Variants in CELF2 observed in about 807,000 individuals in gnomAD.
The protein encoded by CELF2 is CUG triplet repeat RNA-binding protein 2.
Under a neutral mutation model 62.6 loss-of-function variants are expected in CELF2, and 8 were observed. The observed-to-expected ratio is 0.13, with a 90% CI of 0.07 to 0.23. The LOEUF is 0.23. Among genes scored for constraint, CELF2 ranks in the 10% least tolerant of loss-of-function variants. CELF2 has a pLI of 1.00. For synonymous variants in CELF2, 258 were observed against 250.0 expected (o/e 1.03, Z -0.30); for missense variants, 333 against 671.0 (o/e 0.50, Z 5.56).
At chr10:10,986,906 G>C (rs2052824549) in intron 2 of CELF2, among the ~76,000 whole-genome samples, 2 of 152,216 alleles carry the variant, frequency 1.3e-5, no homozygotes, top group South Asian at 4.1e-4. Flanking sequence ...CAGCCCTGAG[G>C]ACTTTCAGTG....
chr10:11,126,969 G>A (rs1214733141), intron 1 of CELF2, among the ~76,000 whole-genome samples: 2 of 151,436 alleles, frequency 1.3e-5, no homozygotes, highest in Non-Finnish European at 2.9e-5. Context: ...CATAGGTATA[G>A]ATGTGCCATG....
rs929131632 is a variant in CELF2 at position 11,237,697 on chromosome 10, C to T, written c.355-11456C>T. ...TTGTTCATCCCAGTTCCCAAGATGT[C>T]GAGAACTGAGTCACAGTGAGCCCCA... On this transcript the variant is annotated intron_variant, in intron 3 of 12. Coordinates refer to ENST00000633077, the MANE Select transcript of CELF2 (RefSeq NM_001326342.2). This position sits in a 1 kb window ranked among gnomAD's most constrained non-coding sequence, Gnocchi z 4.0. Among the ~76,000 whole-genome samples, 6 of 152,140 alleles carry T rather than the reference C, an allele frequency of 3.9e-5. No individual in the cohort carries two copies. The highest frequency in any genetic ancestry group is 5.9e-5 in the Non-Finnish European group (4 of 68,022).
At chr10:10,482,929 T>C in the CELF2 span, among the ~76,000 whole-genome samples, 2 of 152,296 alleles carry the variant, frequency 1.3e-5, no homozygotes, top group South Asian at 4.2e-4. Flanking sequence ...TAGCCAGTTT[T>C]AAACCTGCTC....
Position 11,207,749 on chromosome 10 carries a change from G to A in CELF2, c.272-9676G>A, listed in dbSNP as rs750628630. ...TAGGCAGTGGCCAGATGGTGATACC[G>A]CTGACATCAGGGTGCCAATTATATC... On this transcript the variant is annotated intron_variant, in intron 2 of 12. Coordinates refer to ENST00000633077, the MANE Select transcript of CELF2 (RefSeq NM_001326342.2). The surrounding 1 kb of genome is among the most constrained non-coding windows in gnomAD (Gnocchi z 4.1). Among the ~76,000 whole-genome samples, 5 of 152,216 alleles carry A rather than the reference G, an allele frequency of 3.3e-5. No homozygotes were observed. The highest frequency in any genetic ancestry group is 6.5e-5 in the Admixed American group (1 of 15,286).
chr10:11,292,796 A>G (rs1033445938), intron 9 of CELF2, among the ~76,000 whole-genome samples: 1 of 152,130 alleles, frequency 6.6e-6, no homozygotes, highest in Non-Finnish European at 1.5e-5. Flanking sequence ...GATTGTCCCA[A>G]TGGCTGGTGT....
At chr10:10,535,469 C>T in the CELF2 span, among the ~76,000 whole-genome samples, 1 of 152,146 alleles carries the variant, frequency 6.6e-6, no homozygotes, top group East Asian at 1.9e-4. Flanking sequence ...CCTGTAATCC[C>T]AGCACTTTGG....
the CELF2 span, among the ~76,000 whole-genome samples, chr10:10,709,766 A>G: frequency 6.6e-6 from 1 of 152,342 alleles, no homozygotes; most frequent in East Asian, 1.9e-4. Flanking sequence ...TAAGAAATGA[A>G]TAATGGCAAT....
chr10:11,239,707 C>CTTTT (rs111326473), intron 3 of CELF2, among the ~76,000 whole-genome samples: 1 of 149,284 alleles, frequency 6.7e-6, no homozygotes, highest in Non-Finnish European at 1.5e-5. Context: ...CTCAAATCCA[C>CTTTT]TTTTTTTTTT....
the CELF2 span, among the ~76,000 whole-genome samples, chr10:10,599,795 G>T: frequency 5.2e-4 from 75 of 145,272 alleles, no homozygotes; most frequent in African/African-American, 1.8e-3. Flanking sequence ...GCAGTGGCAC[G>T]ATCTCGGCTC....
At position 11,330,751 on chromosome 10, in the gene CELF2, T is replaced by TTTTC. The variant is rs1363511288; in HGVS notation, c.*1702_*1705dup. 1 of 152,670 alleles carries TTTTC rather than the reference T, an allele frequency of 6.6e-6. No homozygotes were observed. The highest frequency in any genetic ancestry group is 1.5e-5 in the Non-Finnish European group (1 of 68,042). 9.5% of individuals were successfully genotyped at this position (152,670 alleles called of 1,614,324 possible). On this transcript the variant is annotated 3_prime_UTR_variant, in exon 13 of 13. Transcript: ENST00000633077. This position sits in a 1 kb window ranked among gnomAD's most constrained non-coding sequence, Gnocchi z 4.5. ...GGCAAAAACGTTTCTTTCTTATTTT[T>TTTTC]TTTCTTTTCCTAAAACAGACTTGAA...
rs556084440 is a variant in CELF2, at chr10:10,889,569, CTTCTCTCA to C, written c.54-30394_54-30387del. Among the ~76,000 whole-genome samples the C allele has an allele frequency of 5.9e-5, 9 of 152,326 alleles. No homozygotes were observed. In the South Asian group the frequency reaches 1.9e-3, roughly 32 times the overall value. On this transcript the variant is annotated intron_variant, in intron 1 of 13. Coordinates refer to the CELF2 transcript ENST00000636488. ...AACATGCAAGATTCAGGTGCTATGTCTTCTCTCAAAAGACCTCCAGCCGTCTCTGACCC... is the reference window on the plus strand; with the variant it reads ...AACATGCAAGATTCAGGTGCTATGTCAAAGACCTCCAGCCGTCTCTGACCC...
At chr10:11,264,032 A>G (rs909102419) in intron 5 of CELF2, among the ~76,000 whole-genome samples, 3 of 152,238 alleles carry the variant, frequency 2.0e-5, no homozygotes, top group African/African-American at 7.2e-5. Flanking sequence ...ACCCCTAAGG[A>G]GACAGCTTCT....
the CELF2 span, among the ~76,000 whole-genome samples, chr10:10,558,296 G>A: frequency 1.3e-5 from 2 of 151,866 alleles, no homozygotes; most frequent in Admixed American, 1.3e-4. Flanking sequence ...AGATAATCAT[G>A]TGTTTTTTGT....
chr10:11,071,056 C>T (rs914454352), intron 1 of CELF2, among the ~76,000 whole-genome samples: 9 of 152,122 alleles, frequency 5.9e-5, no homozygotes, highest in African/African-American at 1.9e-4. Context: ...TATCAAATGG[C>T]CAGATAAATA....
chr10:10,687,183 C>G, the CELF2 span, among the ~76,000 whole-genome samples: 1 of 152,164 alleles, frequency 6.6e-6, no homozygotes, highest in African/African-American at 2.4e-5. Context: ...AGTGCTGATA[C>G]AGTGGACCTG....
At chr10:10,597,496 A>T in the CELF2 span, among the ~76,000 whole-genome samples, 2 of 152,106 alleles carry the variant, frequency 1.3e-5, no homozygotes, top group African/African-American at 4.8e-5. Context: ...CTTCCAAGTC[A>T]TTTCTAGGCA....
intron 1 of CELF2, among the ~76,000 whole-genome samples, chr10:11,032,583 A>G (rs11256951): frequency 0.42 from 64,601 of 152,070 alleles, 14,876 homozygotes; most frequent in Non-Finnish European, 0.54. Context: ...TTATGATGGC[A>G]TCGTTGTTTT....
chr10:10,825,491 T>C (rs1388870906), intron 1 of CELF2, among the ~76,000 whole-genome samples: 1 of 152,236 alleles, frequency 6.6e-6, no homozygotes, highest in East Asian at 1.9e-4. Flanking sequence ...ATTACAGGCA[T>C]GAGCCACCGC....
the CELF2 span, among the ~76,000 whole-genome samples, chr10:10,624,117 G>A: frequency 1.3e-5 from 2 of 152,196 alleles, no homozygotes; most frequent in Non-Finnish European, 2.9e-5. Context: ...ACCAGGCAGT[G>A]TGCACTAGGA....
Sources: gnomAD v4.1 joint callset for allele counts (sites outside exome capture counted in the v4.1 genomes callset) on GRCh38, gnomAD v4.1.1 for gene constraint, Gnocchi (gnomAD v3.1) non-coding constraint, MANE v1.5 for transcripts, NCBI Gene and HGNC (gene_info 2026-07-23, HGNC 2026-07-21) for gene names.